Variants in MEF2A observed in about 807,000 individuals in gnomAD.
MEF2A encodes myocyte-specific enhancer factor 2A.
Under a neutral mutation model 55.8 loss-of-function variants are expected in MEF2A, and 28 were observed. The ratio of observed to expected loss-of-function variants is 0.50; its 90% CI spans 0.37 to 0.69. MEF2A has a LOEUF of 0.69. Among genes scored for constraint, MEF2A ranks in the 30% least tolerant of loss-of-function variants. MEF2A has a pLI of 0.00. For missense variants in MEF2A, 528 were observed against 626.2 expected (o/e 0.84, Z 1.67); for synonymous variants, 239 against 227.1 (o/e 1.05, Z -0.47).
intron 1 of MEF2A, among the ~76,000 whole-genome samples, chr15:99,583,090 T>C (rs188201730): frequency 1.3e-5 from 2 of 152,328 alleles, no homozygotes; most frequent in Admixed American, 1.3e-4. Context: ...CAAGTTGTTA[T>C]GTTCATCTGT....
At chr15:99,631,846 A>G (rs1258754182) in intron 2 of MEF2A, among the ~76,000 whole-genome samples, 2 of 152,186 alleles carry the variant, frequency 1.3e-5, no homozygotes, top group African/African-American at 4.8e-5. Context: ...ATGATAAGAA[A>G]CGAAAGGCTT....
intron 9 of MEF2A, 194 bp from the exon 10 acceptor site, chr15:99,706,535 T>A: frequency 1.7e-6 from 1 of 585,490 alleles, no homozygotes; most frequent in Non-Finnish European, 3.0e-6. Flanking sequence ...TTTAAAAGAA[T>A]TAATGTAAAA....
At chr15:99,576,328 A>G (rs1265125792) in intron 1 of MEF2A, among the ~76,000 whole-genome samples, 1 of 152,336 alleles carries the variant, frequency 6.6e-6, no homozygotes, top group South Asian at 2.1e-4. Flanking sequence ...TAATAATTCT[A>G]CAGTGGTTGG....
intron 1 of MEF2A, among the ~76,000 whole-genome samples, chr15:99,577,845 C>G (rs1458009129): frequency 2.6e-5 from 4 of 152,004 alleles, no homozygotes; most frequent in Non-Finnish European, 5.9e-5. Context: ...GAATGTCTTT[C>G]AATTTGGGTT....
At chr15:99,686,405 G>A (rs1038921629) in intron 7 of MEF2A, among the ~76,000 whole-genome samples, 1 of 152,014 alleles carries the variant, frequency 6.6e-6, no homozygotes, top group Non-Finnish European at 1.5e-5. Context: ...TCTTGGTTGT[G>A]CTGGCTTAGT....
chr15:99,660,582 C>A (rs576186438), intron 4 of MEF2A, among the ~76,000 whole-genome samples: 9 of 152,302 alleles, frequency 5.9e-5, no homozygotes, highest in African/African-American at 2.2e-4. Flanking sequence ...GAATCTCACA[C>A]AGGGCTCACT....
chr15:99,606,391 G>A (rs1975133379), intron 2 of MEF2A, among the ~76,000 whole-genome samples: 1 of 151,906 alleles, frequency 6.6e-6, no homozygotes, highest in Admixed American at 6.6e-5. Context: ...TGATAATTTT[G>A]ACTACCTTAA....
rs1331309530 is a variant in MEF2A at position 99,715,374 on chromosome 15, T to C, written c.*2603T>C. On this transcript the variant is annotated 3_prime_UTR_variant, in exon 12 of 12. Transcript: ENST00000557942. ...TCTTTCTTTCTATGCAGGTTTATAA[T>C]CAGTACAACTACTGTTTTCTAAAAT... 2 of 152,246 alleles carry C rather than the reference T, an allele frequency of 1.3e-5. No homozygotes were observed. Among genetic ancestry groups the C allele is most frequent in the Non-Finnish European group, 2.9e-5 (2 of 68,044 alleles). 9.4% of individuals were successfully genotyped at this position (152,246 alleles called of 1,614,324 possible). A position where few individuals can be genotyped will look rare whatever the true frequency, so the allele number is the denominator to read the frequency against.
chr15:99,712,387 C>T lies in MEF2A; in HGVS notation c.1137-3C>T, dbSNP rs1331342361. 15 of 1,512,770 alleles carry T rather than the reference C, an allele frequency of 9.9e-6. No homozygotes were observed. Among genetic ancestry groups the T allele is most frequent in the South Asian group, 8.9e-5 (7 of 78,780 alleles). 93.7% of individuals were successfully genotyped at this position (1,512,770 alleles called of 1,614,324 possible). A position where few individuals can be genotyped will look rare whatever the true frequency, so the allele number is the denominator to read the frequency against. ...TCTGACCTCTCTCTTTTTTTTCCTT[C>T]AGTGCTGGAGGGCAGTTATCTCAGG... On this transcript the variant is annotated splice_region_variant and splice_polypyrimidine_tract_variant and intron_variant, in intron 11 of 11. Transcript: ENST00000557942. The surrounding 1 kb of genome is among the most constrained non-coding windows in gnomAD (Gnocchi z 4.1).
rs139108832 is a variant in MEF2A, at chr15:99,706,307, A to G, written c.883-422A>G. Among the ~76,000 whole-genome samples, 9 of 152,382 alleles carry G rather than the reference A, an allele frequency of 5.9e-5. 1 individual carries two copies. The South Asian group carries it at 1.7e-3, about 28-fold the overall frequency. Reference sequence around the variant, plus strand: ...ACACGTAAATAATACCGCAAAGAAAAGTAGTTTTGATTCCTATACTCATAG... The same window carrying G: ...ACACGTAAATAATACCGCAAAGAAAGGTAGTTTTGATTCCTATACTCATAG... On this transcript the variant is annotated intron_variant, in intron 9 of 11. Transcript: ENST00000557942.
rs929209269 is a variant in MEF2A, at chr15:99,661,291, T to C, written c.259-10032T>C. Among the ~76,000 whole-genome samples the C allele has an allele frequency of 2.0e-5, 3 of 152,168 alleles. No individual in the cohort carries two copies. The East Asian group carries it at 5.8e-4, about 29-fold the overall frequency. ...ATTTGCAGGATAATATAGGAGAATA[T>C]CTTCATAATTTTGGAAAGGATTTCT... On this transcript the variant is annotated intron_variant, in intron 4 of 11. Transcript: ENST00000557942.
intron 1 of MEF2A, among the ~76,000 whole-genome samples, chr15:99,593,245 G>C (rs529405084): frequency 6.6e-6 from 1 of 151,994 alleles, no homozygotes; most frequent in Admixed American, 6.6e-5. Context: ...CTTGTACTCC[G>C]TGAGTCTCCG....
chr15:99,641,034 G>T (rs2044812488), intron 3 of MEF2A, among the ~76,000 whole-genome samples: 1 of 152,092 alleles, frequency 6.6e-6, no homozygotes, highest in Non-Finnish European at 1.5e-5. Context: ...ATTTGCACTA[G>T]TTTGCGTGAT....
rs188188955 is a variant in MEF2A at position 99,715,734 on chromosome 15, A to G, written c.*2963A>G. ...AGAAGTATTTTATTACTAAAGAACA[A>G]AAGCAAAAAAAGCTTAAATTGCACT... On this transcript the variant is annotated 3_prime_UTR_variant, in exon 12 of 12. Transcript: ENST00000557942. 7.9e-5 allele frequency: 12 copies of G among 152,360 alleles called. No individual in the cohort carries two copies. Among genetic ancestry groups the G allele is most frequent in the East Asian group, 7.7e-4 (4 of 5,194 alleles). 9.4% of individuals were successfully genotyped at this position (152,360 alleles called of 1,614,324 possible).
chr15:99,601,516 T>TG (rs1383164189), intron 2 of MEF2A, among the ~76,000 whole-genome samples: 2 of 151,406 alleles, frequency 1.3e-5, no homozygotes, highest in African/African-American at 2.4e-5. Context: ...CAGAGTTTTT[T>TG]TTTTTTTTTT....
At chr15:99,572,069 A>G (rs1217920835) in intron 1 of MEF2A, among the ~76,000 whole-genome samples, 4 of 135,666 alleles carry the variant, frequency 2.9e-5, no homozygotes, top group South Asian at 2.3e-4. Context: ...TTAAGAGCCT[A>G]TATTGGATCA....
intron 2 of MEF2A, among the ~76,000 whole-genome samples, chr15:99,621,351 C>G (rs1462943251): frequency 6.6e-6 from 1 of 151,982 alleles, no homozygotes; most frequent in Non-Finnish European, 1.5e-5. Context: ...GGATGAACAT[C>G]CTTATTTGTA....
intron 4 of MEF2A, among the ~76,000 whole-genome samples, chr15:99,663,667 G>A (rs1350766274): frequency 6.6e-6 from 1 of 151,928 alleles, no homozygotes; most frequent in Non-Finnish European, 1.5e-5. Flanking sequence ...AAGAGCATAA[G>A]CTAAAAGAAA....
chr15:99,632,335 C>T (rs1312424835), intron 2 of MEF2A, among the ~76,000 whole-genome samples: 2 of 152,104 alleles, frequency 1.3e-5, no homozygotes, highest in Admixed American at 6.5e-5. Flanking sequence ...CATATTTTTA[C>T]GAAAGTATAT....
Sources: allele counts gnomAD v4.1 joint callset (sites outside exome capture counted in the v4.1 genomes callset), GRCh38; gene constraint gnomAD v4.1.1; non-coding constraint Gnocchi (gnomAD v3.1); transcripts MANE v1.5; gene names NCBI Gene and HGNC (gene_info 2026-07-23, HGNC 2026-07-21).